IQCK: variants seen among roughly 807,000 people sequenced by gnomAD.
IQCK encodes IQ domain-containing protein K.
Under a neutral mutation model 28.1 loss-of-function variants are expected in IQCK, and 29 were observed. That is an observed-to-expected ratio of 1.03 (90% CI 0.77 to 1.41). The LOEUF (loss-of-function observed/expected upper bound fraction) is 1.41. IQCK is among the 40% of genes most tolerant of loss of function. IQCK has a pLI of 0.00. For missense variants in IQCK, 359 were observed against 314.7 expected, an observed-to-expected ratio of 1.14 and a Z score of -1.07; for synonymous variants, 113 against 115.1, an observed-to-expected ratio of 0.98 and a Z score of 0.12.
At chr16:19,823,669 G>T (rs2056104966) in intron 7 of IQCK, among the ~76,000 whole-genome samples, 1 of 152,208 alleles carries the variant, frequency 6.6e-6, no homozygotes, top group Non-Finnish European at 1.5e-5. Context: ...GGGCACAGTG[G>T]CTCACGCCTG....
chr16:19,824,888 G>A (rs181817059), intron 7 of IQCK, among the ~76,000 whole-genome samples: 1 of 152,230 alleles, frequency 6.6e-6, no homozygotes, highest in Admixed American at 6.5e-5. Context: ...TCTCTCCCAG[G>A]AACACAATTA....
intron 7 of IQCK, among the ~76,000 whole-genome samples, chr16:19,808,960 T>C (rs1046323190): frequency 6.6e-6 from 1 of 152,180 alleles, no homozygotes; most frequent in Admixed American, 6.5e-5. Context: ...TGGGTTTAAG[T>C]GATTCTCTTG....
chr16:19,724,981 G>A (rs969683815), intron 1 of IQCK, among the ~76,000 whole-genome samples: 5 of 152,076 alleles, frequency 3.3e-5, no homozygotes, highest in African/African-American at 9.7e-5. Context: ...GTGGCACAGG[G>A]GCTCCACTCT....
intron 2 of IQCK, among the ~76,000 whole-genome samples, chr16:19,733,451 C>T (rs1977905350): frequency 6.6e-6 from 1 of 151,966 alleles, no homozygotes; most frequent in Non-Finnish European, 1.5e-5. Context: ...GAGGCTTCAT[C>T]CCTGGTGTTT....
chr16:19,775,400 G>C (rs999338509), intron 6 of IQCK, among the ~76,000 whole-genome samples: 8 of 152,024 alleles, frequency 5.3e-5, no homozygotes, highest in Admixed American at 1.3e-4. Context: ...CCTTCTGTCT[G>C]TCTGTCTTCG....
At chr16:19,785,578 C>T (rs1047650807) in intron 6 of IQCK, among the ~76,000 whole-genome samples, 2 of 152,186 alleles carry the variant, frequency 1.3e-5, no homozygotes, top group African/African-American at 4.8e-5. Flanking sequence ...ATTGGCTGTC[C>T]ACAACCAATC....
At chr16:19,721,868 G>A (rs184901048) in intron 1 of IQCK, among the ~76,000 whole-genome samples, 3 of 152,196 alleles carry the variant, frequency 2.0e-5, no homozygotes, top group East Asian at 1.9e-4. Context: ...GTGAGCCACC[G>A]CGCCTGGCCT....
At chr16:19,747,964 C>T (rs1448187121) in intron 4 of IQCK, among the ~76,000 whole-genome samples, 4 of 151,808 alleles carry the variant, frequency 2.6e-5, no homozygotes, top group Admixed American at 2.6e-4. Context: ...GACCGGGTCA[C>T]AGATGGCAGC....
chr16:19,726,685 T>C (rs1382494585), intron 1 of IQCK, among the ~76,000 whole-genome samples: 1 of 152,194 alleles, frequency 6.6e-6, no homozygotes, highest in African/African-American at 2.4e-5. Flanking sequence ...TTACAATAGA[T>C]ATAAATGAAT....
At chr16:19,722,662 T>C (rs2151671895) in intron 1 of IQCK, among the ~76,000 whole-genome samples, 1 of 152,058 alleles carries the variant, frequency 6.6e-6, no homozygotes, top group Non-Finnish European at 1.5e-5. Flanking sequence ...CAACAACTTA[T>C]CTCCATCTCC....
At chr16:19,728,422 G>T (rs970878885) in intron 1 of IQCK, among the ~76,000 whole-genome samples, 1 of 151,974 alleles carries the variant, frequency 6.6e-6, no homozygotes, top group African/African-American at 2.4e-5. Context: ...GCTAATTTTT[G>T]TATTTTTAGT....
intron 2 of IQCK, among the ~76,000 whole-genome samples, chr16:19,733,283 G>A (rs1191781054): frequency 1.3e-5 from 2 of 151,850 alleles, no homozygotes; most frequent in East Asian, 1.9e-4. Flanking sequence ...GATTACAGGC[G>A]CCCGCCACCA....
At chr16:19,769,169 T>C (rs2055283887) in intron 6 of IQCK, among the ~76,000 whole-genome samples, 1 of 152,190 alleles carries the variant, frequency 6.6e-6, no homozygotes, top group South Asian at 2.1e-4. Flanking sequence ...GAAGGAAGCA[T>C]GGTACCTTTT....
At chr16:19,718,481 T>C in exon 1 of IQCK, 1 of 1,604,480 alleles carries the variant, frequency 6.2e-7, no homozygotes, top group Non-Finnish European at 8.5e-7. Flanking sequence ...GGAGCAGATC[T>C]GCAAGGGTAG....
intron 4 of IQCK, among the ~76,000 whole-genome samples, chr16:19,736,438 T>A (rs1978018356): frequency 6.6e-6 from 1 of 151,660 alleles, no homozygotes; most frequent in South Asian, 2.1e-4. Flanking sequence ...GATTGATTGA[T>A]TGATTGATTG....
At chr16:19,839,619 T>C (rs1052281468) in intron 9 of IQCK, among the ~76,000 whole-genome samples, 2 of 152,178 alleles carry the variant, frequency 1.3e-5, no homozygotes, top group African/African-American at 4.8e-5. Context: ...AGTCAAGGAA[T>C]ACTTGTTGGT....
chr16:19,758,237 C>T (rs1222289580), intron 4 of IQCK, among the ~76,000 whole-genome samples: 1 of 152,206 alleles, frequency 6.6e-6, no homozygotes, highest in African/African-American at 2.4e-5. Context: ...TTCCTTCTCT[C>T]TTTCAGCTCC....
At chr16:19,827,795 G>A (rs1023975761), downstream of IQCK, among the ~76,000 whole-genome samples, 2 of 150,888 alleles carry the variant, frequency 1.3e-5, no homozygotes, top group African/African-American at 2.4e-5. Flanking sequence ...CTCCTGGCTC[G>A]CAGGCCTTCA....
chr16:19,828,542 A>G (rs751014381), downstream of IQCK, among the ~76,000 whole-genome samples: 3 of 151,948 alleles, frequency 2.0e-5, no homozygotes, highest in Admixed American at 2.0e-4. Flanking sequence ...CCAACCTGAT[A>G]TGTTTTCAAA....
Sources: gnomAD v4.1 joint callset for allele counts (sites outside exome capture counted in the v4.1 genomes callset) on GRCh38, gnomAD v4.1.1 for gene constraint, MANE v1.5 for transcripts, NCBI Gene and HGNC (gene_info 2026-07-23, HGNC 2026-07-21) for gene names.